SASH1: variants seen among roughly 807,000 people sequenced by gnomAD.
SASH1 encodes the protein SAM and SH3 domain-containing protein 1.
Under a neutral mutation model 125.2 loss-of-function variants are expected in SASH1, and 44 were observed. The ratio of observed to expected loss-of-function variants is 0.35; its 90% CI spans 0.28 to 0.45. The LOEUF (loss-of-function observed/expected upper bound fraction) is 0.45. SASH1 is among the 20% of genes least tolerant of loss of function. The pLI is 1.00. For synonymous variants in SASH1, 639 were observed against 649.1 expected, an observed-to-expected ratio of 0.98 and a Z score of 0.24; for missense variants, 1,426 against 1,614.5, an observed-to-expected ratio of 0.88 and a Z score of 2.00.
At chr6:148,442,883 C>G (rs1776604445) in intron 4 of SASH1, among the ~76,000 whole-genome samples, 1 of 152,014 alleles carries the variant, frequency 6.6e-6, no homozygotes, top group African/African-American at 2.4e-5. Context: ...AAGCTATTCT[C>G]CTGCCTTAGC....
intron 5 of SASH1, among the ~76,000 whole-genome samples, chr6:148,470,450 G>A (rs572902088): frequency 1.3e-5 from 2 of 152,328 alleles, no homozygotes; most frequent in South Asian, 4.1e-4. Context: ...AGTGGTGACA[G>A]AGCTGCTATT....
At chr6:148,235,434 A>C in the SASH1 span, among the ~76,000 whole-genome samples, 7 of 152,222 alleles carry the variant, frequency 4.6e-5, no homozygotes, top group Admixed American at 2.6e-4. Context: ...TCATGGAGGC[A>C]TAGCTAACAC....
chr6:148,468,278 A>G (rs750223070), intron 4 of SASH1, among the ~76,000 whole-genome samples: 1 of 152,250 alleles, frequency 6.6e-6, no homozygotes, highest in African/African-American at 2.4e-5. Context: ...AAGGTACTTC[A>G]GTGATCGTCT....
chr6:148,530,316 C>T (rs1361962535), intron 12 of SASH1, among the ~76,000 whole-genome samples: 1 of 151,996 alleles, frequency 6.6e-6, no homozygotes, highest in Non-Finnish European at 1.5e-5. Flanking sequence ...TTTCAAACTG[C>T]GTGCTTTTTT....
At chr6:148,196,144 A>G in the SASH1 span, among the ~76,000 whole-genome samples, 1 of 152,158 alleles carries the variant, frequency 6.6e-6, no homozygotes, top group Non-Finnish European at 1.5e-5. Context: ...TTTTGCTCTT[A>G]GTGCATCTGA....
At chr6:148,361,995 G>A (rs1365782982) in intron 1 of SASH1, among the ~76,000 whole-genome samples, 157 of 135,952 alleles carry the variant, frequency 1.2e-3, no homozygotes, top group Middle Eastern at 4.3e-3. Context: ...CTCACTGCAA[G>A]CTCCGCCTCC....
intron 8 of SASH1, among the ~76,000 whole-genome samples, chr6:148,498,087 G>C (rs909914810): frequency 1.3e-5 from 2 of 151,848 alleles, no homozygotes; most frequent in Non-Finnish European, 2.9e-5. Context: ...GGCCTTCCTC[G>C]ACATATCAAA....
upstream of SASH1, among the ~76,000 whole-genome samples, chr6:148,341,468 G>A (rs374401666): frequency 1.4e-3 from 209 of 151,630 alleles, 1 homozygote; most frequent in African/African-American, 4.7e-3. Context: ...CCCCGCACCC[G>A]CCAAAAACAC....
intron 7 of SASH1, among the ~76,000 whole-genome samples, chr6:148,486,077 T>C (rs11961740): frequency 0.17 from 25,451 of 152,176 alleles, 2,497 homozygotes; most frequent in African/African-American, 0.28. Flanking sequence ...AAAGACATTA[T>C]AAAAAATTTT....
At chr6:148,396,505 A>G (rs1012186186) in intron 2 of SASH1, among the ~76,000 whole-genome samples, 18 of 139,046 alleles carry the variant, frequency 1.3e-4, no homozygotes, top group African/African-American at 4.5e-4. Flanking sequence ...AAAAAAAAAG[A>G]AAGAAAGAGA....
chr6:148,477,366 G>C (rs1015016676), intron 7 of SASH1, among the ~76,000 whole-genome samples: 1 of 151,708 alleles, frequency 6.6e-6, no homozygotes. Flanking sequence ...AACTCAATAG[G>C]AAAAAAAATC....
intron 2 of SASH1, 37 bp downstream of exon 2, chr6:148,390,299 G>T: frequency 6.3e-7 from 1 of 1,597,472 alleles, no homozygotes; most frequent in Non-Finnish European, 8.5e-7. Flanking sequence ...TCTGTGAGCA[G>T]AGCTGCTCCA....
At chr6:148,348,868 G>A (rs1781603765) in intron 1 of SASH1, among the ~76,000 whole-genome samples, 2 of 152,212 alleles carry the variant, frequency 1.3e-5, no homozygotes, top group African/African-American at 2.4e-5. Context: ...TCAGCCCCAC[G>A]GTCGCTGAGT....
At chr6:148,331,747 A>T (rs1183582833) in intron 1 of SASH1, among the ~76,000 whole-genome samples, 2 of 152,110 alleles carry the variant, frequency 1.3e-5, no homozygotes, top group South Asian at 2.1e-4. Context: ...CTTGAACTGC[A>T]GTGGTACAAT....
chr6:148,311,509 A>T (rs1327804107), intron 1 of SASH1, among the ~76,000 whole-genome samples: 1 of 152,208 alleles, frequency 6.6e-6, no homozygotes, highest in Non-Finnish European at 1.5e-5. Context: ...CCTATTTTCA[A>T]ATAAAACCTG....
intron 1 of SASH1, among the ~76,000 whole-genome samples, chr6:148,296,620 C>T (rs1305729851): frequency 6.6e-6 from 1 of 152,116 alleles, no homozygotes; most frequent in African/African-American, 2.4e-5. Flanking sequence ...GACCCAAGGA[C>T]AGTTGGTTCT....
intron 8 of SASH1, among the ~76,000 whole-genome samples, chr6:148,503,812 C>T (rs1315291816): frequency 6.6e-6 from 1 of 150,874 alleles, no homozygotes; most frequent in Non-Finnish European, 1.5e-5. Context: ...TTTGTGTGTG[C>T]ATGTGCATAT....
rs376409331 is a variant in SASH1 at position 148,416,623 on chromosome 6, C to G, written c.286-23561C>G. Among the ~76,000 whole-genome samples the G allele has an allele frequency of 6.6e-5, 10 of 152,320 alleles. No homozygotes were observed. In the East Asian group the frequency reaches 1.5e-3, roughly 24 times the overall value. On this transcript the variant is annotated intron_variant, in intron 2 of 19. Coordinates refer to ENST00000367467, the MANE Select transcript of SASH1 (RefSeq NM_015278.5). ...CTCAGAGGCCTGCAGGAAGAGGGGG[C>G]TCCTGCACACACGCCACCAGCTCAG...
At chr6:148,320,402 T>C (rs558704435) in intron 1 of SASH1, among the ~76,000 whole-genome samples, 2 of 152,342 alleles carry the variant, frequency 1.3e-5, no homozygotes, top group African/African-American at 2.4e-5. Flanking sequence ...AGGTATGACC[T>C]TCACATTAGT....
Sources: allele counts gnomAD v4.1 joint callset (sites outside exome capture counted in the v4.1 genomes callset), GRCh38; gene constraint gnomAD v4.1.1; transcripts MANE v1.5; gene names NCBI Gene and HGNC (gene_info 2026-07-23, HGNC 2026-07-21).